The following TAFA1 variants were observed in gnomAD, a reference collection of about 807,000 sequenced individuals.
TAFA1 encodes TAFA chemokine like family member 1, also known as chemokine-like protein TAFA-1.
A neutral mutation model predicts 18.5 loss-of-function variants in TAFA1; 4 were observed. The ratio of observed to expected loss-of-function variants is 0.22; its 90% CI spans 0.11 to 0.49. The LOEUF (loss-of-function observed/expected upper bound fraction) is 0.49. Ranked by LOEUF, TAFA1 falls within the 20% of genes least tolerant of loss-of-function variation. The pLI, the probability that TAFA1 is intolerant of heterozygous loss-of-function variation, is 0.98. For synonymous variants in TAFA1, 56 were observed against 55.2 expected (o/e 1.01, Z -0.06); for missense variants, 147 against 169.0 (o/e 0.87, Z 0.72).
chr3:68,382,897 A>G (rs1300144828), intron 2 of TAFA1, among the ~76,000 whole-genome samples: 1 of 152,030 alleles, frequency 6.6e-6, no homozygotes, highest in African/African-American at 2.4e-5. Flanking sequence ...AATGTTTTAT[A>G]GTTCTTTCTG....
At chr3:68,459,724 C>G (rs1331203244) in intron 3 of TAFA1, among the ~76,000 whole-genome samples, 2 of 152,174 alleles carry the variant, frequency 1.3e-5, no homozygotes, top group Non-Finnish European at 2.9e-5. Flanking sequence ...CCCTAATTCC[C>G]TATTTACCCA....
At chr3:68,461,383 A>ATATATATATATATATATATATG (rs1553693207) in intron 3 of TAFA1, among the ~76,000 whole-genome samples, 2 of 144,784 alleles carry the variant, frequency 1.4e-5, no homozygotes, top group African/African-American at 2.6e-5. Context: ...ATATATATGT[A>ATATATATATATATATATATATG]TGTATGTATA....
At chr3:68,259,478 T>G (rs998744833) in intron 2 of TAFA1, among the ~76,000 whole-genome samples, 1 of 152,136 alleles carries the variant, frequency 6.6e-6, no homozygotes, top group Non-Finnish European at 1.5e-5. Context: ...GTGAAGAAAG[T>G]CATTGGTAGC....
At chr3:68,399,897 G>A (rs1559652281) in intron 2 of TAFA1, among the ~76,000 whole-genome samples, 1 of 152,110 alleles carries the variant, frequency 6.6e-6, no homozygotes, top group Non-Finnish European at 1.5e-5. Context: ...CACAAGGGCT[G>A]GGTTCATCTA....
intron 3 of TAFA1, among the ~76,000 whole-genome samples, chr3:68,453,481 G>A (rs1446012903): frequency 6.6e-6 from 1 of 152,208 alleles, no homozygotes; most frequent in Non-Finnish European, 1.5e-5. Flanking sequence ...ATATATATGG[G>A]CTTGAACCAC....
intron 2 of TAFA1, among the ~76,000 whole-genome samples, chr3:68,132,272 T>C (rs1157798796): frequency 2.0e-5 from 3 of 152,352 alleles, no homozygotes; most frequent in South Asian, 4.1e-4. Flanking sequence ...CTTTATCCAG[T>C]ATATCATTGA....
chr3:68,146,261 C>T lies in TAFA1; in HGVS notation c.118+139517C>T, dbSNP rs116584264. Among the ~76,000 whole-genome samples the T allele has an allele frequency of 6.3e-3, 952 of 152,320 alleles. 7 individuals carry two copies. The highest frequency in any genetic ancestry group is 9.9e-3 in the Non-Finnish European group (672 of 68,032). On this transcript the variant is annotated intron_variant, in intron 2 of 4. Transcript: ENST00000478136. Reference sequence around the variant, plus strand: ...CTGAGATTCTGCCATTCCTAACAAGCTCCCAGGGGTTCTGTTGAGGCTGGC... The same window carrying T: ...CTGAGATTCTGCCATTCCTAACAAGTTCCCAGGGGTTCTGTTGAGGCTGGC...
intron 2 of TAFA1, among the ~76,000 whole-genome samples, chr3:68,228,334 G>T (rs927507562): frequency 5.3e-5 from 8 of 152,090 alleles, no homozygotes; most frequent in Admixed American, 2.0e-4. Context: ...GCCCATTGCA[G>T]CCTTGAATTC....
At chr3:68,286,350 CTG>C (rs1420728262) in intron 2 of TAFA1, among the ~76,000 whole-genome samples, 2 of 152,054 alleles carry the variant, frequency 1.3e-5, no homozygotes, top group African/African-American at 4.8e-5. Context: ...CAAGAGAAAA[CTG>C]TTGGCTGTGT....
intron 3 of TAFA1, among the ~76,000 whole-genome samples, chr3:68,489,102 G>A (rs745669874): frequency 3.9e-5 from 6 of 152,218 alleles, no homozygotes; most frequent in Non-Finnish European, 8.8e-5. Context: ...CACATAGCTA[G>A]TAAGGCAGAA....
intron 3 of TAFA1, among the ~76,000 whole-genome samples, chr3:68,460,957 G>C (rs1006824721): frequency 5.9e-5 from 9 of 152,286 alleles, no homozygotes; most frequent in Non-Finnish European, 1.3e-4. Context: ...TCAGCTCTTA[G>C]TGCCCAAGAT....
chr3:68,020,800 G>C (rs1343192816), intron 2 of TAFA1, among the ~76,000 whole-genome samples: 1 of 152,088 alleles, frequency 6.6e-6, no homozygotes, highest in Non-Finnish European at 1.5e-5. Context: ...CATGTTCTAA[G>C]TCAATATAAA....
intron 3 of TAFA1, among the ~76,000 whole-genome samples, chr3:68,520,865 TAGC>T (rs2073010457): frequency 6.6e-6 from 1 of 152,190 alleles, no homozygotes; most frequent in Non-Finnish European, 1.5e-5. Flanking sequence ...GGCTAGAAAA[TAGC>T]AGCAATCTGG....
At chr3:68,315,683 C>A (rs552019076) in intron 2 of TAFA1, among the ~76,000 whole-genome samples, 1 of 152,234 alleles carries the variant, frequency 6.6e-6, no homozygotes, top group South Asian at 2.1e-4. Flanking sequence ...GCACACTATG[C>A]AAATTGTGTT....
intron 2 of TAFA1, among the ~76,000 whole-genome samples, chr3:68,399,714 C>T (rs948082961): frequency 7.2e-5 from 11 of 152,172 alleles, no homozygotes; most frequent in Non-Finnish European, 1.6e-4. Flanking sequence ...GTGCTAAATG[C>T]TTTATGCACA....
chr3:68,186,655 C>A (rs2066275833), intron 2 of TAFA1, among the ~76,000 whole-genome samples: 6 of 152,044 alleles, frequency 3.9e-5, no homozygotes, highest in Admixed American at 3.3e-4. Flanking sequence ...CTGTAGGTAT[C>A]TCTACCTGTC....
chr3:68,133,403 G>T (rs2065567067), intron 2 of TAFA1, among the ~76,000 whole-genome samples: 1 of 152,158 alleles, frequency 6.6e-6, no homozygotes, highest in Admixed American at 6.5e-5. Context: ...GTTCTGTGAA[G>T]AAAGTCAATG....
At chr3:68,251,644 CA>C (rs2067198643) in intron 2 of TAFA1, among the ~76,000 whole-genome samples, 1 of 152,198 alleles carries the variant, frequency 6.6e-6, no homozygotes, top group South Asian at 2.1e-4. Flanking sequence ...GTTGTGAGCT[CA>C]GGGGGAAAGT....
At chr3:68,385,886 T>C (rs1326999781) in intron 2 of TAFA1, among the ~76,000 whole-genome samples, 1 of 152,130 alleles carries the variant, frequency 6.6e-6, no homozygotes, top group Non-Finnish European at 1.5e-5. Flanking sequence ...TCAGGGTAAT[T>C]AGCATATCCA....
Sources: gnomAD v4.1 joint callset for allele counts (sites outside exome capture counted in the v4.1 genomes callset) on GRCh38, gnomAD v4.1.1 for gene constraint, MANE v1.5 for transcripts, NCBI Gene and HGNC (gene_info 2026-07-23, HGNC 2026-07-21) for gene names.